The following CNTNAP5 variants were observed in gnomAD, a reference collection of about 807,000 sequenced individuals.
CNTNAP5 encodes contactin associated protein family member 5.
CNTNAP5 carries 72 observed loss-of-function variants against 150.2 expected under a neutral mutation model. That is an observed-to-expected ratio of 0.48 (90% CI 0.40 to 0.58). The LOEUF is 0.58. CNTNAP5 is among the 20% of genes least tolerant of loss of function. The pLI is 0.00. For synonymous variants in CNTNAP5, 672 were observed against 619.8 expected, an observed-to-expected ratio of 1.08 and a Z score of -1.25; for missense variants, 1,636 against 1,626.2, an observed-to-expected ratio of 1.01 and a Z score of -0.10.
intron 13 of CNTNAP5, among the ~76,000 whole-genome samples, chr2:124,651,614 C>A (rs922047372): frequency 6.6e-6 from 1 of 152,168 alleles, no homozygotes; most frequent in African/African-American, 2.4e-5. Flanking sequence ...GAAGTCAGAG[C>A]AAAAGTGCTA....
Position 124,764,118 on chromosome 2 carries a change from T to A in CNTNAP5, c.2504T>A (p.Ile835Asn). Reference sequence around the variant, plus strand: ...GGAGTTTTCCTAGAAAATCTTGGCATTAAAGACTTCATTCGACTCGAAATA... The same window carrying A: ...GGAGTTTTCCTAGAAAATCTTGGCAATAAAGACTTCATTCGACTCGAAATA... Reference protein sequence around the residue: ...LSGVFLENLGIKDFIRLEISS... With the variant: ...LSGVFLENLGNKDFIRLEISS... Residue 835 changes from isoleucine (I) to asparagine (N), a missense_variant, in exon 16 of 24, where the codon ATT becomes AAT. Transcript: ENST00000682447. 1 of 1,613,126 alleles carries A rather than the reference T, an allele frequency of 6.2e-7. No homozygotes were observed. Among genetic ancestry groups the A allele is most frequent in the Non-Finnish European group, 8.5e-7 (1 of 1,179,260 alleles).
intron 4 of CNTNAP5, among the ~76,000 whole-genome samples, chr2:124,425,132 T>G (rs1692210243): frequency 6.6e-6 from 1 of 152,226 alleles, no homozygotes; most frequent in Non-Finnish European, 1.5e-5. Context: ...CCTGTTGAAG[T>G]GGTCACTGGA....
intron 1 of CNTNAP5, among the ~76,000 whole-genome samples, chr2:124,036,118 G>C (rs1190853619): frequency 6.6e-6 from 1 of 150,412 alleles, no homozygotes; most frequent in African/African-American, 2.5e-5. Flanking sequence ...TAGAGACGGG[G>C]TTTCACCTTG....
At chr2:124,204,413 C>A (rs1426944394) in intron 1 of CNTNAP5, among the ~76,000 whole-genome samples, 1 of 152,138 alleles carries the variant, frequency 6.6e-6, no homozygotes, top group East Asian at 1.9e-4. Flanking sequence ...TCTTCTGAGC[C>A]CTCCGAACTG....
chr2:124,444,369 A>C (rs1362677883), intron 5 of CNTNAP5, among the ~76,000 whole-genome samples: 1 of 152,132 alleles, frequency 6.6e-6, no homozygotes, highest in Non-Finnish European at 1.5e-5. Flanking sequence ...TCGGGGCAGC[A>C]GATCACTTGA....
At chr2:124,680,944 C>T (rs1195896325) in intron 13 of CNTNAP5, 3 of 151,316 alleles carry the variant, frequency 2.0e-5, no homozygotes, top group Non-Finnish European at 4.4e-5. Context: ...GGAGTTGCAC[C>T]AATATTTTTG....
At chr2:124,157,053 CCTAA>C (rs1341115124) in intron 1 of CNTNAP5, among the ~76,000 whole-genome samples, 4 of 152,226 alleles carry the variant, frequency 2.6e-5, no homozygotes, top group East Asian at 1.9e-4. Context: ...AGGATTCTCC[CCTAA>C]CTGTGTTCCA....
intron 17 of CNTNAP5, among the ~76,000 whole-genome samples, chr2:124,775,295 A>G (rs1374467872): frequency 6.6e-6 from 1 of 152,208 alleles, no homozygotes; most frequent in Non-Finnish European, 1.5e-5. Flanking sequence ...GTGCTTAGTT[A>G]TAGTCACCAA....
intron 7 of CNTNAP5, among the ~76,000 whole-genome samples, chr2:124,491,881 G>A (rs867420814): frequency 1.6e-4 from 24 of 152,030 alleles, no homozygotes; most frequent in African/African-American, 5.8e-4. Flanking sequence ...ATACCTGTTG[G>A]CCACTTCAAT....
At chr2:124,873,813 T>C (rs1677799345) in intron 21 of CNTNAP5, among the ~76,000 whole-genome samples, 1 of 152,126 alleles carries the variant, frequency 6.6e-6, no homozygotes, top group South Asian at 2.1e-4. Context: ...GAAAGCATTT[T>C]TCATGGTAGA....
At chr2:124,765,970 A>T (rs1681060226) in intron 16 of CNTNAP5, among the ~76,000 whole-genome samples, 1 of 151,276 alleles carries the variant, frequency 6.6e-6, no homozygotes, top group Admixed American at 6.6e-5. Context: ...AAAAAAAAAT[A>T]GGTTAAAAAA....
chr2:124,153,767 A>G (rs1185907988), intron 1 of CNTNAP5, among the ~76,000 whole-genome samples: 1 of 150,690 alleles, frequency 6.6e-6, no homozygotes, highest in Non-Finnish European at 1.5e-5. Flanking sequence ...ATGCCACCAC[A>G]CCCCGCTAAT....
intron 17 of CNTNAP5, among the ~76,000 whole-genome samples, chr2:124,775,557 A>G (rs1433262276): frequency 6.6e-6 from 1 of 152,150 alleles, no homozygotes; most frequent in Admixed American, 6.6e-5. Context: ...TTTCCTGAGT[A>G]CCAGAAATAG....
At chr2:124,331,251 T>G (rs1409712799) in intron 3 of CNTNAP5, among the ~76,000 whole-genome samples, 1 of 152,140 alleles carries the variant, frequency 6.6e-6, no homozygotes, top group Non-Finnish European at 1.5e-5. Context: ...TGGTAGTTCA[T>G]TATAATAATG....
intron 10 of CNTNAP5, among the ~76,000 whole-genome samples, chr2:124,538,212 C>T (rs764420556): frequency 4.6e-5 from 7 of 152,272 alleles, no homozygotes; most frequent in African/African-American, 9.6e-5. Flanking sequence ...TTAGGCCAGG[C>T]GCAGTGGCTC....
intron 1 of CNTNAP5, among the ~76,000 whole-genome samples, chr2:124,084,920 TCC>T (rs1682644935): frequency 1.1e-5 from 1 of 89,502 alleles, no homozygotes; most frequent in African/African-American, 4.2e-5. Flanking sequence ...AATTCAAGTT[TCC>T]TGTTTTTTTT....
chr2:124,564,988 T>G (rs1695983089), intron 11 of CNTNAP5, among the ~76,000 whole-genome samples: 1 of 152,136 alleles, frequency 6.6e-6, no homozygotes, highest in Admixed American at 6.5e-5. Context: ...CTGCTGTTTT[T>G]GGGCTGGCAC....
In CNTNAP5 at chr2:124,906,192, C is replaced by T. The variant is rs374483876; in HGVS notation, c.3655+3092C>T. Among the ~76,000 whole-genome samples, 49 of 152,198 alleles carry T rather than the reference C, an allele frequency of 3.2e-4. 1 individual carries two copies. In the South Asian group the frequency reaches 7.5e-3, roughly 23 times the overall value. On this transcript the variant is annotated intron_variant, in intron 22 of 23. Transcript: ENST00000682447. ...ATATAGATAGAAACAGTGATAGTGT[C>T]TTCATTCTGATTATGCTTTAAAGTG...
At chr2:124,861,052 C>G (rs1398270981) in intron 19 of CNTNAP5, among the ~76,000 whole-genome samples, 1 of 151,530 alleles carries the variant, frequency 6.6e-6, no homozygotes, top group African/African-American at 2.4e-5. Context: ...AAAAAGCATT[C>G]TAGATGAAAG....
Sources: allele counts gnomAD v4.1 joint callset (sites outside exome capture counted in the v4.1 genomes callset), GRCh38; gene constraint gnomAD v4.1.1; transcripts MANE v1.5; gene names NCBI Gene and HGNC (gene_info 2026-07-23, HGNC 2026-07-21).